ZC2HC1A: variants seen among roughly 807,000 people sequenced by gnomAD.
The protein encoded by ZC2HC1A is zinc finger C2HC-type containing 1A.
Under a neutral mutation model 40.7 loss-of-function variants are expected in ZC2HC1A, and 28 were observed. The observed-to-expected ratio is 0.69, with a 90% confidence interval of 0.51 to 0.94. ZC2HC1A has a LOEUF of 0.94. Among genes scored for constraint, ZC2HC1A ranks in the 40% least tolerant of loss-of-function variants. The pLI is 0.00. For missense variants in ZC2HC1A, 389 were observed against 386.3 expected (o/e 1.01, Z -0.06); for synonymous variants, 129 against 129.2 (o/e 1.00, Z 0.01).
Position 78,717,602 on chromosome 8 carries a change from C to G in ZC2HC1A, c.*109C>G. On this transcript the variant is annotated 3_prime_UTR_variant, in exon 9 of 9. Transcript: ENST00000263849. ...GTTTGTGCTAAAAATACTCGAAATA[C>G]CATTTCCAGTTAATTTTGAAGTGTA... 3 of 1,210,194 alleles carry G rather than the reference C, an allele frequency of 2.5e-6. No individual in the cohort carries two copies. Among genetic ancestry groups the G allele is most frequent in the Non-Finnish European group, 3.4e-6 (3 of 881,822 alleles). The allele number at this position is 1,210,194 out of a possible 1,614,324, so 75.0% of individuals were successfully genotyped here.
chr8:78,670,633 T>A (rs1231425759), intron 1 of ZC2HC1A, among the ~76,000 whole-genome samples: 1 of 152,156 alleles, frequency 6.6e-6, no homozygotes, highest in Non-Finnish European at 1.5e-5. Flanking sequence ...GGAAAGGACA[T>A]GCAGCCAGGA....
intron 1 of ZC2HC1A, among the ~76,000 whole-genome samples, chr8:78,675,542 T>C (rs1033392766): frequency 2.0e-5 from 3 of 151,994 alleles, no homozygotes; most frequent in African/African-American, 7.2e-5. Flanking sequence ...AACTAGATAT[T>C]TCCAGCAGTA....
At chr8:78,688,369 C>T (rs1200898742) in intron 4 of ZC2HC1A, among the ~76,000 whole-genome samples, 1 of 151,924 alleles carries the variant, frequency 6.6e-6, no homozygotes, top group East Asian at 1.9e-4. Flanking sequence ...TTATTTCTTT[C>T]TTATGAGAGG....
intron 4 of ZC2HC1A, among the ~76,000 whole-genome samples, chr8:78,687,278 A>T (rs1423551741): frequency 6.6e-6 from 1 of 151,690 alleles, no homozygotes; most frequent in Non-Finnish European, 1.5e-5. Context: ...CTATGTTAGT[A>T]CTCTAGATTG....
intron 3 of ZC2HC1A, among the ~76,000 whole-genome samples, chr8:78,683,164 C>A (rs1332040996): frequency 6.6e-6 from 1 of 151,610 alleles, no homozygotes; most frequent in Non-Finnish European, 1.5e-5. Context: ...GTCGGTGGAT[C>A]TACCATTCTG....
At chr8:78,684,114 G>A (rs1026600666) in intron 3 of ZC2HC1A, among the ~76,000 whole-genome samples, 4 of 152,248 alleles carry the variant, frequency 2.6e-5, no homozygotes, top group South Asian at 2.1e-4. Context: ...GCCTCTGCTC[G>A]TTACCCAGTT....
chr8:78,690,341 C>T (rs987826884), intron 5 of ZC2HC1A, among the ~76,000 whole-genome samples: 7 of 152,102 alleles, frequency 4.6e-5, no homozygotes, highest in East Asian at 1.9e-4. Flanking sequence ...GGGCAGATCA[C>T]GATTGTCAGG....
At chr8:78,699,193 C>CTTAATTTAATCCTTTTTTA (rs1292263935) in intron 7 of ZC2HC1A, among the ~76,000 whole-genome samples, 2 of 152,022 alleles carry the variant, frequency 1.3e-5, no homozygotes, top group East Asian at 1.9e-4. Context: ...GGGTGATTCT[C>CTTAATTTAATCCTTTTTTA]TTAATTTAAT....
At chr8:78,666,768 C>A (rs960151707) in intron 1 of ZC2HC1A, among the ~76,000 whole-genome samples, 1 of 152,154 alleles carries the variant, frequency 6.6e-6, no homozygotes, top group Admixed American at 6.5e-5. Context: ...TATTCACGGC[C>A]GCTGTGTGAG....
At chr8:78,698,792 C>T (rs755693093) in intron 7 of ZC2HC1A, among the ~76,000 whole-genome samples, 1 of 152,062 alleles carries the variant, frequency 6.6e-6, no homozygotes, top group African/African-American at 2.4e-5. Flanking sequence ...GAAATGTTGA[C>T]GATTTTTATA....
intron 1 of ZC2HC1A, among the ~76,000 whole-genome samples, chr8:78,671,110 T>C (rs1233650698): frequency 6.6e-6 from 1 of 152,220 alleles, no homozygotes; most frequent in Admixed American, 6.5e-5. Flanking sequence ...ATTTCCAAGA[T>C]TTCTTTGAAA....
At chr8:78,706,621 T>C (rs34099505) in intron 7 of ZC2HC1A, among the ~76,000 whole-genome samples, 12,234 of 152,254 alleles carry the variant, frequency 0.08, 677 homozygotes, top group Middle Eastern at 0.16. Context: ...CTTTGTTCTC[T>C]GTGGGTCAAG....
intron 7 of ZC2HC1A, among the ~76,000 whole-genome samples, chr8:78,703,806 G>C (rs1470494866): frequency 6.6e-6 from 1 of 152,042 alleles, no homozygotes; most frequent in Non-Finnish European, 1.5e-5. Context: ...GATGTGTGTG[G>C]ATTTGATTGT....
At chr8:78,676,815 CA>C (rs954471923) in intron 2 of ZC2HC1A, among the ~76,000 whole-genome samples, 11 of 149,976 alleles carry the variant, frequency 7.3e-5, no homozygotes, top group Admixed American at 2.7e-4. Context: ...AATTTCACAG[CA>C]AAAAAAAAGT....
Position 78,717,454 on chromosome 8 carries a change from A to G in ZC2HC1A, c.939A>G (p.Lys313=), listed in dbSNP as rs368060254. The change falls in exon 9 of 9, where the codon AAA becomes AAG. Residue 313 remains lysine (K), a synonymous_variant. Coordinates refer to ENST00000263849, the MANE Select transcript of ZC2HC1A (RefSeq NM_016010.3). ...CTAAATACCCTGTAGAATGGGCCAA[A>G]TTTTGCTGTGAATGTGGCATTCGAA... ...CGTKYPVEWA[K]FCCECGIRRM... 14 of 1,599,438 alleles carry G rather than the reference A, an allele frequency of 8.8e-6. No individual in the cohort carries two copies. In the African/African-American group the frequency reaches 1.8e-4, roughly 20 times the overall value.
chr8:78,699,545 G>T (rs1229276983), intron 7 of ZC2HC1A, among the ~76,000 whole-genome samples: 2 of 152,006 alleles, frequency 1.3e-5, no homozygotes, highest in Non-Finnish European at 2.9e-5. Flanking sequence ...GGAGTTTGTT[G>T]TATGCATTAT....
intron 3 of ZC2HC1A, among the ~76,000 whole-genome samples, chr8:78,679,986 A>C (rs1585983686): frequency 6.6e-6 from 1 of 152,262 alleles, no homozygotes; most frequent in Middle Eastern, 3.4e-3. Flanking sequence ...TGGGTGTTAA[A>C]ATTGGCTCAA....
At chr8:78,673,507 G>T (rs1019753237) in intron 1 of ZC2HC1A, among the ~76,000 whole-genome samples, 25 of 152,276 alleles carry the variant, frequency 1.6e-4, no homozygotes, top group African/African-American at 6.0e-4. Flanking sequence ...TTCCACAATG[G>T]TTGAATTAAT....
chr8:78,687,823 ATTCATG>A (rs1364310620), intron 4 of ZC2HC1A, among the ~76,000 whole-genome samples: 72 of 125,810 alleles, frequency 5.7e-4, no homozygotes, highest in Non-Finnish European at 8.5e-4. Flanking sequence ...AAATATATAT[ATTCATG>A]TAATAAATTA....
Sources: allele counts gnomAD v4.1 joint callset (sites outside exome capture counted in the v4.1 genomes callset), GRCh38; gene constraint gnomAD v4.1.1; transcripts MANE v1.5; gene names NCBI Gene and HGNC (gene_info 2026-07-23, HGNC 2026-07-21).